Variants in LOC400499 observed in about 807,000 individuals in gnomAD.
the LOC400499 span, among the ~76,000 whole-genome samples, chr16:11,396,189 A>G: frequency 6.6e-6 from 1 of 152,214 alleles, no homozygotes; most frequent in Non-Finnish European, 1.5e-5. Context: ...AGGGGAGGAA[A>G]CTCAGGTACC....
the LOC400499 span, among the ~76,000 whole-genome samples, chr16:11,527,340 C>A: frequency 6.6e-6 from 1 of 152,018 alleles, no homozygotes; most frequent in Non-Finnish European, 1.5e-5. Flanking sequence ...AGAGATCCAG[C>A]CAGTCAGAAG....
chr16:11,490,988 G>A, the LOC400499 span, among the ~76,000 whole-genome samples: 1 of 152,172 alleles, frequency 6.6e-6, no homozygotes, highest in Admixed American at 6.5e-5. Context: ...AACATTAAAA[G>A]CAACAGTCAC....
At chr16:11,457,219 A>C in the LOC400499 span, 3 of 592,290 alleles carry the variant, frequency 5.1e-6, no homozygotes, top group East Asian at 8.8e-5. Flanking sequence ...GGATGTGGAG[A>C]AATCTGAATT....
the LOC400499 span, among the ~76,000 whole-genome samples, chr16:11,382,975 A>C: frequency 1.3e-5 from 2 of 152,114 alleles, no homozygotes; most frequent in Admixed American, 1.3e-4. Flanking sequence ...CAGGCTGTAC[A>C]AGCACGCCTC....
the LOC400499 span, among the ~76,000 whole-genome samples, chr16:11,409,838 A>G: frequency 6.6e-6 from 1 of 151,498 alleles, no homozygotes; most frequent in South Asian, 2.1e-4. Flanking sequence ...ATTCTTAATG[A>G]TACAGAAAAA....
At chr16:11,431,389 C>T in the LOC400499 span, among the ~76,000 whole-genome samples, 1 of 152,156 alleles carries the variant, frequency 6.6e-6, no homozygotes, top group Non-Finnish European at 1.5e-5. Context: ...ATAAAGTGGA[C>T]ATACTGATAT....
the LOC400499 span, chr16:11,384,967 C>A: frequency 8.1e-7 from 1 of 1,232,264 alleles, no homozygotes; most frequent in Non-Finnish European, 1.0e-6. Context: ...CCTCGCTGGC[C>A]AGCTCAATCC....
the LOC400499 span, among the ~76,000 whole-genome samples, chr16:11,410,546 T>G: frequency 6.6e-6 from 1 of 152,200 alleles, no homozygotes; most frequent in African/African-American, 2.4e-5. Context: ...AAATCACGTG[T>G]AAATGCGGCA....
At chr16:11,432,622 T>C in the LOC400499 span, among the ~76,000 whole-genome samples, 1 of 152,212 alleles carries the variant, frequency 6.6e-6, no homozygotes, top group South Asian at 2.1e-4. Flanking sequence ...CCCAAGAAGC[T>C]TGCTGTTAAA....
the LOC400499 span, among the ~76,000 whole-genome samples, chr16:11,523,910 C>T: frequency 7.0e-6 from 1 of 142,982 alleles, no homozygotes; most frequent in Non-Finnish European, 1.5e-5. Context: ...CCAACCACCC[C>T]CACCCCCACT....
chr16:11,412,970 CTG>C, the LOC400499 span: 1 of 399,154 alleles, frequency 2.5e-6, no homozygotes, highest in Admixed American at 4.4e-5. Context: ...AGGGAGCAGG[CTG>C]TGAGATGTGT....
chr16:11,474,182 G>A, the LOC400499 span, among the ~76,000 whole-genome samples: 16 of 152,282 alleles, frequency 1.1e-4, no homozygotes, highest in African/African-American at 3.1e-4. Context: ...TATGCTTTGC[G>A]GTCACACAGT....
At chr16:11,424,258 C>G in the LOC400499 span, 1 of 399,152 alleles carries the variant, frequency 2.5e-6, no homozygotes, top group Non-Finnish European at 4.4e-6. Flanking sequence ...TCTAGCTGAG[C>G]CCCCGCGTTC....
chr16:11,460,014 G>C, the LOC400499 span: 2 of 1,490,694 alleles, frequency 1.3e-6, no homozygotes, highest in Admixed American at 2.1e-5. Flanking sequence ...CTCCAGCTGT[G>C]AGTGCAGGTG....
the LOC400499 span, chr16:11,398,530 G>T: frequency 3.2e-6 from 4 of 1,231,830 alleles, no homozygotes; most frequent in Non-Finnish European, 4.0e-6. Context: ...AGGGCCTATG[G>T]GTCAGGGGCT....
the LOC400499 span, among the ~76,000 whole-genome samples, chr16:11,388,076 G>C: frequency 6.6e-6 from 1 of 152,154 alleles, no homozygotes; most frequent in Non-Finnish European, 1.5e-5. Flanking sequence ...CCCTGTTGTT[G>C]ATGGGCCAGT....
the LOC400499 span, chr16:11,384,816 T>G: frequency 8.2e-7 from 1 of 1,215,262 alleles, no homozygotes; most frequent in Non-Finnish European, 1.0e-6. Context: ...CCTGCCGCCC[T>G]GGAAGCTTAA....
the LOC400499 span, chr16:11,487,348 G>A: frequency 5.0e-6 from 2 of 399,446 alleles, no homozygotes; most frequent in Non-Finnish European, 8.8e-6. Flanking sequence ...GGAGAGAAGA[G>A]AAGGGTCCCC....
At chr16:11,410,887 G>C in the LOC400499 span, among the ~76,000 whole-genome samples, 1 of 152,248 alleles carries the variant, frequency 6.6e-6, no homozygotes, top group Non-Finnish European at 1.5e-5. Flanking sequence ...ATGCAGGGCA[G>C]AGATGGGGGT....
Sources: gnomAD v4.1 joint callset for allele counts (sites outside exome capture counted in the v4.1 genomes callset) on GRCh38, gnomAD v4.1.1 for gene constraint, MANE v1.5 for transcripts.